PRKAG2: variants seen among roughly 807,000 people sequenced by gnomAD.
The protein encoded by PRKAG2 is 5'-AMP-activated protein kinase subunit gamma-2.
A neutral mutation model predicts 69.6 loss-of-function variants in PRKAG2; 26 were observed. That is an observed-to-expected ratio of 0.37 (90% CI 0.27 to 0.52). PRKAG2 has a LOEUF of 0.52. PRKAG2 is among the 20% of genes least tolerant of loss of function. PRKAG2 has a pLI of 0.90. For missense variants in PRKAG2, 557 were observed against 740.0 expected, an observed-to-expected ratio of 0.75 and a Z score of 2.87; for synonymous variants, 293 against 285.0, an observed-to-expected ratio of 1.03 and a Z score of -0.28.
rs955866537 is a variant in PRKAG2 at position 151,626,674 on chromosome 7, G to T, written c.754+5395C>A. Among the ~76,000 whole-genome samples the T allele has an allele frequency of 7.9e-5, 12 of 152,236 alleles. 1 individual carries two copies. Among genetic ancestry groups the T allele is most frequent in the Admixed American group, 4.6e-4 (7 of 15,310 alleles). On this transcript the variant is annotated intron_variant, in intron 5 of 15. Transcript: ENST00000287878. ...AACCTGCAAGTTGACGCTTGGCTGT[G>T]AGAGTCAAGGGACAAGGGAATAATT...
intron 3 of PRKAG2, among the ~76,000 whole-genome samples, chr7:151,711,131 G>A (rs916205800): frequency 6.6e-6 from 1 of 151,884 alleles, no homozygotes; most frequent in Non-Finnish European, 1.5e-5. Context: ...TGAGTGCTAG[G>A]CTGAGAGTAC....
Position 151,877,021 on chromosome 7 carries a change from A to T in PRKAG2, c.-401T>A, listed in dbSNP as rs1425646060. On this transcript the variant is annotated 5_prime_UTR_variant, in exon 1 of 16. It introduces an in-frame stop codon into an upstream open reading frame of the 5' UTR. Coordinates refer to ENST00000287878, the MANE Select transcript of PRKAG2 (RefSeq NM_016203.4). The stretch of plus-strand genomic sequence containing the variant: ...AAAGGCAGGTGCAATTAAAACCAGC[A>T]ATTTGGAAAACAAGCCTCCTATGCC... 1 of 316,494 alleles carries T rather than the reference A, an allele frequency of 3.2e-6. No homozygotes were observed. The highest frequency in any genetic ancestry group is 8.2e-5 in the East Asian group (1 of 12,152). The allele number at this position is 316,494 out of a possible 1,614,324, so 19.6% of individuals were successfully genotyped here.
At chr7:151,711,163 T>A (rs1406097099) in intron 3 of PRKAG2, among the ~76,000 whole-genome samples, 3 of 151,336 alleles carry the variant, frequency 2.0e-5, no homozygotes, top group African/African-American at 7.3e-5. Context: ...AAGCTGAGAG[T>A]ACTGAGGGTG....
chr7:151,608,312 T>C (rs558187225), intron 5 of PRKAG2, among the ~76,000 whole-genome samples: 1 of 152,338 alleles, frequency 6.6e-6, no homozygotes, highest in African/African-American at 2.4e-5. Context: ...GGGAAACTAA[T>C]AGGCCTTCAA....
chr7:151,709,818 A>G (rs1268534293), intron 3 of PRKAG2, among the ~76,000 whole-genome samples: 1 of 152,046 alleles, frequency 6.6e-6, no homozygotes, highest in Non-Finnish European at 1.5e-5. Flanking sequence ...ATTGACAGTG[A>G]TGTGTGATGC....
chr7:151,649,106 G>T (rs1828040468), intron 4 of PRKAG2, among the ~76,000 whole-genome samples: 1 of 145,256 alleles, frequency 6.9e-6, no homozygotes, highest in South Asian at 2.1e-4. Context: ...CCTGAGGGAA[G>T]GAATGATTAT....
At chr7:151,708,619 G>A (rs1163141764) in intron 3 of PRKAG2, among the ~76,000 whole-genome samples, 1 of 152,140 alleles carries the variant, frequency 6.6e-6, no homozygotes, top group Non-Finnish European at 1.5e-5. Context: ...GGCAAGTGAG[G>A]ATACACTGTC....
intron 6 of PRKAG2, among the ~76,000 whole-genome samples, chr7:151,588,733 C>CCT (rs1812301914): frequency 9.0e-6 from 1 of 111,576 alleles, no homozygotes; most frequent in Non-Finnish European, 1.9e-5. Context: ...TAAGACATGA[C>CCT]TTGCTTCTCC....
intron 3 of PRKAG2, among the ~76,000 whole-genome samples, chr7:151,740,992 G>A (rs1238728587): frequency 6.6e-6 from 1 of 152,242 alleles, no homozygotes; most frequent in African/African-American, 2.4e-5. Flanking sequence ...GGAGTTTCAT[G>A]TTTAGATGTC....
At chr7:151,811,947 T>C (rs1280969060) in intron 1 of PRKAG2, among the ~76,000 whole-genome samples, 2 of 152,222 alleles carry the variant, frequency 1.3e-5, no homozygotes, top group Non-Finnish European at 2.9e-5. Context: ...CAGTAAATTA[T>C]TCAAATTCAT....
At chr7:151,844,713 G>A (rs954283826) in intron 1 of PRKAG2, among the ~76,000 whole-genome samples, 2 of 152,098 alleles carry the variant, frequency 1.3e-5, no homozygotes, top group African/African-American at 4.8e-5. Context: ...TCTCTATTTC[G>A]TCACCAGCAT....
chr7:151,599,938 C>T (rs1382359042), intron 5 of PRKAG2, among the ~76,000 whole-genome samples: 1 of 152,182 alleles, frequency 6.6e-6, no homozygotes, highest in Admixed American at 6.5e-5. Flanking sequence ...TCCAGTCCTC[C>T]ATCAGTGCTC....
rs541569171 is a variant in PRKAG2, at chr7:151,872,270, C to T, written c.114+4237G>A. 1.0e-3 allele frequency among the ~76,000 whole-genome samples: 154 copies of T among 152,282 alleles called. 2 individuals carry two copies. The highest frequency in any genetic ancestry group is 3.5e-3 in the African/African-American group (145 of 41,584). On this transcript the variant is annotated intron_variant, in intron 1 of 15. Coordinates refer to ENST00000287878, the MANE Select transcript of PRKAG2 (RefSeq NM_016203.4). ...TCTCATCACAGCTGCAGTTCAGGCC[C>T]TCGGACCCTTACCCTGGGGGGGGGC...
Position 151,807,547 on chromosome 7 carries a change from C to T in PRKAG2, c.115-21006G>A, listed in dbSNP as rs546434646. 20 of 457,882 alleles carry T rather than the reference C, an allele frequency of 4.4e-5. No homozygotes were observed. The highest frequency in any genetic ancestry group is 2.2e-4 in the African/African-American group (11 of 50,212). 28.4% of individuals were successfully genotyped at this position (457,882 alleles called of 1,614,324 possible). On this transcript the variant is annotated intron_variant, in intron 1 of 15. Coordinates refer to ENST00000287878, the MANE Select transcript of PRKAG2 (RefSeq NM_016203.4). This position sits in a 1 kb window ranked among gnomAD's most constrained non-coding sequence, Gnocchi z 4.4. Reference sequence around the variant, plus strand: ...CTACGAGCTGAAATGGCCAGCACTGCGCCTTCCAGAACCCAGCGTAGATGC... The same window carrying T: ...CTACGAGCTGAAATGGCCAGCACTGTGCCTTCCAGAACCCAGCGTAGATGC...
At chr7:151,818,218 T>G (rs34244587) in intron 1 of PRKAG2, among the ~76,000 whole-genome samples, 45,544 of 152,124 alleles carry the variant, frequency 0.3, 7,285 homozygotes, top group Non-Finnish European at 0.34. Flanking sequence ...TCTCAAATGA[T>G]GCATGGTACT....
intron 3 of PRKAG2, among the ~76,000 whole-genome samples, chr7:151,729,008 CCTG>C (rs1222822366): frequency 6.6e-6 from 1 of 152,104 alleles, no homozygotes; most frequent in Admixed American, 6.5e-5. Context: ...AGCCGCCTGG[CCTG>C]CTGAGTGACT....
chr7:151,674,976 C>A, intron 4 of PRKAG2: 1 of 272,042 alleles, frequency 3.7e-6, no homozygotes, highest in Non-Finnish European at 7.2e-6. Flanking sequence ...GGCTGGAGTG[C>A]GGTGTCATGA....
At chr7:151,797,604 A>G (rs935009237) in intron 1 of PRKAG2, among the ~76,000 whole-genome samples, 1 of 152,118 alleles carries the variant, frequency 6.6e-6, no homozygotes, top group African/African-American at 2.4e-5. Flanking sequence ...TTCTTCCCCA[A>G]CACTTTCTAC....
intron 3 of PRKAG2, among the ~76,000 whole-genome samples, chr7:151,688,461 C>T (rs1197121388): frequency 6.6e-6 from 1 of 152,166 alleles, no homozygotes; most frequent in East Asian, 1.9e-4. Context: ...GAATTTACCC[C>T]GATGAGATGC....
Sources: gnomAD v4.1 joint callset for allele counts (sites outside exome capture counted in the v4.1 genomes callset) on GRCh38, gnomAD v4.1.1 for gene constraint, Gnocchi (gnomAD v3.1) non-coding constraint, MANE v1.5 for transcripts, NCBI Gene and HGNC (gene_info 2026-07-23, HGNC 2026-07-21) for gene names.